CXorf38: variants seen among roughly 807,000 people sequenced by gnomAD.
CXorf38 encodes chromosome X open reading frame 38, also known as uncharacterized protein CXorf38.
CXorf38 carries 13 observed loss-of-function variants against 27.5 expected under a neutral mutation model. The ratio of observed to expected loss-of-function variants is 0.47; its 90% CI spans 0.31 to 0.75. The LOEUF is 0.75. Ranked by LOEUF, CXorf38 falls within the 30% of genes least tolerant of loss-of-function variation. CXorf38 has a pLI of 0.05. For synonymous variants in CXorf38, 100 were observed against 99.8 expected (o/e 1.00, Z -0.01); for missense variants, 240 against 253.2 (o/e 0.95, Z 0.35).
At chrX:40,638,549 T>C (rs1394749576) in intron 3 of CXorf38, among the ~76,000 whole-genome samples, 1 of 112,424 alleles carries the variant, frequency 8.9e-6, no homozygotes, top group Non-Finnish European at 1.9e-5. Flanking sequence ...TTCCATACCA[T>C]TTGGCCTTGC....
intron 5 of CXorf38, among the ~76,000 whole-genome samples, chrX:40,632,830 C>A (rs111227119): frequency 1.1e-3 from 126 of 111,773 alleles, no homozygotes; most frequent in Non-Finnish European, 1.0e-3. Context: ...AACAACACCA[C>A]CTAGGATTCT....
chrX:40,636,491 G>C (rs1569270377), intron 5 of CXorf38, 42 bp downstream of exon 5: 2 of 901,255 alleles, frequency 2.2e-6, no homozygotes, highest in African/African-American at 4.0e-5. Flanking sequence ...ATCTTTCTTT[G>C]TGTTGTTAAC....
At chrX:40,631,317 TG>T (rs1326909732) in intron 5 of CXorf38, among the ~76,000 whole-genome samples, 2 of 107,498 alleles carry the variant, frequency 1.9e-5, no homozygotes, top group African/African-American at 6.8e-5. Flanking sequence ...GTATATTTTT[TG>T]TTTTTTTGAG....
Position 40,637,127 on chromosome X carries a change from G to C in CXorf38, c.501C>G (p.His167Gln). Residue 167 changes from histidine (H) to glutamine (Q), a missense_variant, in exon 4 of 7, where the codon CAC (histidine) becomes CAG (glutamine). Coordinates refer to ENST00000327877, the MANE Select transcript of CXorf38 (RefSeq NM_144970.3). Reference protein sequence around the residue: ...EVIKCRNEIMHSSEMKVSSTW... With the variant: ...EVIKCRNEIMQSSEMKVSSTW... ...TAGAAGATACTTTCATCTCTGAAGAGTGCATGATCTCATTACGACATTTAA... is the reference window on the plus strand; with the variant it reads ...TAGAAGATACTTTCATCTCTGAAGACTGCATGATCTCATTACGACATTTAA... The C allele has an allele frequency of 8.4e-7, 1 of 1,187,794 alleles. No individual in the cohort carries two copies. Among genetic ancestry groups the C allele is most frequent in the Non-Finnish European group, 1.1e-6 (1 of 883,713 alleles).
In CXorf38 at chrX:40,630,684, G is replaced by T. The variant is rs757769666; in HGVS notation, c.891C>A (p.Asp297Glu). 1.8e-5 allele frequency: 22 copies of T among 1,208,969 alleles called. No homozygotes were observed. Among genetic ancestry groups the T allele is most frequent in the Non-Finnish European group, 2.5e-5 (22 of 893,086 alleles). ...CCAGTTTTTGATGTAGACAGAGGCT[G>T]TCTAGCTTCTGCATATCTTCTGTAA... ...NGLTEDMQKL[D>E]SLCLHQKLDS... is the part of the protein sequence containing the mutation. Residue 297 changes from aspartate to glutamate, a missense_variant, in exon 6 of 7, where the codon GAC (aspartate) becomes GAA (glutamate). Transcript: ENST00000327877.
intron 4 of CXorf38, 26 bp downstream of exon 4, chrX:40,636,981 C>A: frequency 8.8e-7 from 1 of 1,137,938 alleles, no homozygotes; most frequent in Non-Finnish European, 1.2e-6. Flanking sequence ...ATTCTGTATG[C>A]CAGAACTATT....
chrX:40,642,470 A>T (rs747148011), intron 2 of CXorf38, among the ~76,000 whole-genome samples: 127 of 111,552 alleles, frequency 1.1e-3, no homozygotes, highest in Non-Finnish European at 1.9e-3. Flanking sequence ...GTCCTGAGGA[A>T]GGCCAAAAGA....
intron 5 of CXorf38, among the ~76,000 whole-genome samples, chrX:40,631,376 C>T (rs1010524232): frequency 3.7e-5 from 4 of 107,097 alleles, no homozygotes; most frequent in East Asian, 3.0e-4. Context: ...GGTGTGATCT[C>T]GGCTCACTGC....
At chrX:40,640,469 G>T (rs1928270544) in intron 2 of CXorf38, 3 of 180,448 alleles carry the variant, frequency 1.7e-5, no homozygotes, top group Non-Finnish European at 3.1e-5. Context: ...AAAGGCTGGG[G>T]TAAGTGCTCA....
At chrX:40,631,220 C>T (rs62586849) in intron 5 of CXorf38, among the ~76,000 whole-genome samples, 10 of 36,373 alleles carry the variant, frequency 2.7e-4, no homozygotes, top group Admixed American at 4.7e-4. Context: ...TATATATATA[C>T]ATGTGTATAT....
At position 40,629,895 on chromosome X, in the gene CXorf38, A is replaced by G. The variant is rs748301000; in HGVS notation, c.*269T>C. Reference sequence around the variant, plus strand: ...GGCCTCCCAAAGTGCTGGGGATTACAGGTGTGAGCCATCACACCTGGCCTG... The same window carrying G: ...GGCCTCCCAAAGTGCTGGGGATTACGGGTGTGAGCCATCACACCTGGCCTG... On this transcript the variant is annotated 3_prime_UTR_variant, in exon 7 of 7. Transcript: ENST00000327877. 19 of 112,018 alleles carry G rather than the reference A, an allele frequency of 1.7e-4. No homozygotes were observed. The highest frequency in any genetic ancestry group is 5.8e-4 in the African/African-American group (18 of 30,851). The allele number at this position is 112,018 out of a possible 1,213,427, so 9.2% of individuals were successfully genotyped here.
chrX:40,644,294 CAAGAG>C (rs1423059687), intron 2 of CXorf38, among the ~76,000 whole-genome samples: 2 of 111,831 alleles, frequency 1.8e-5, no homozygotes, highest in Non-Finnish European at 3.8e-5. Context: ...AGGCCTTGAG[CAAGAG>C]AAAAGGGATA....
At chrX:40,636,866 G>A (rs1214988728) in intron 4 of CXorf38, 141 bp downstream of exon 4, 2 of 793,500 alleles carry the variant, frequency 2.5e-6, no homozygotes, top group African/African-American at 4.2e-5. Flanking sequence ...CATAATTACA[G>A]ATTTCATATT....
At position 40,647,038 on chromosome X, in the gene CXorf38, C is replaced by T; in HGVS notation, c.320G>A (p.Arg107His). Residue 107 changes from arginine to histidine, a missense_variant, in exon 2 of 7, where the codon CGC (arginine) becomes CAC (histidine). By Grantham distance (29) the Arg-to-His change is conservative. Coordinates refer to ENST00000327877, the MANE Select transcript of CXorf38 (RefSeq NM_144970.3). ...CACCTCCCAGGCGTCCACGGGCCAGCGGCCCGGCCGGCAGTTTCCCCAGTG... is the reference window on the plus strand; with the variant it reads ...CACCTCCCAGGCGTCCACGGGCCAGTGGCCCGGCCGGCAGTTTCCCCAGTG... ...DVHWGNCRPGRWPVDAWEVAK... is the reference protein window; with the variant it reads ...DVHWGNCRPGHWPVDAWEVAK... 1.7e-6 allele frequency: 2 copies of T among 1,211,401 alleles called. No homozygotes were observed. The highest frequency in any genetic ancestry group is 3.5e-5 in the South Asian group (2 of 56,950).
chrX:40,645,791 A>AT (rs1021410013), intron 2 of CXorf38, among the ~76,000 whole-genome samples: 25 of 110,525 alleles, frequency 2.3e-4, no homozygotes, highest in African/African-American at 6.6e-4. Flanking sequence ...TAATTTTTGT[A>AT]TTTTTTTGTA....
chrX:40,638,406 G>A (rs1928166764), intron 3 of CXorf38, among the ~76,000 whole-genome samples: 1 of 111,781 alleles, frequency 8.9e-6, no homozygotes, highest in South Asian at 3.7e-4. Flanking sequence ...TCTTTCCAAT[G>A]ACCTTCAGGG....
At chrX:40,640,321 C>G (rs762525876) in intron 2 of CXorf38, 1 of 250,370 alleles carries the variant, frequency 4.0e-6, no homozygotes, top group Non-Finnish European at 7.5e-6. Context: ...GATCAAGACC[C>G]TGTTTCAAAA....
chrX:40,629,896 G>A lies in CXorf38; in HGVS notation c.*268C>T, dbSNP rs1425728461. ...GCCTCCCAAAGTGCTGGGGATTACA[G>A]GTGTGAGCCATCACACCTGGCCTGG... On this transcript the variant is annotated 3_prime_UTR_variant, in exon 7 of 7. Coordinates refer to ENST00000327877, the MANE Select transcript of CXorf38 (RefSeq NM_144970.3). 3 of 111,896 alleles carry A rather than the reference G, an allele frequency of 2.7e-5. No individual in the cohort carries two copies. Among genetic ancestry groups the A allele is most frequent in the African/African-American group, 9.8e-5 (3 of 30,754 alleles). The allele number at this position is 111,896 out of a possible 1,213,427, so 9.2% of individuals were successfully genotyped here.
chrX:40,631,010 G>C (rs1490694331), intron 5 of CXorf38, among the ~76,000 whole-genome samples: 1 of 110,463 alleles, frequency 9.1e-6, no homozygotes, highest in African/African-American at 3.3e-5. Flanking sequence ...ACTGGTTCTG[G>C]GGGTACACAA....
Sources: gnomAD v4.1 joint callset for allele counts (sites outside exome capture counted in the v4.1 genomes callset) on GRCh38, gnomAD v4.1.1 for gene constraint, MANE v1.5 for transcripts, NCBI Gene and HGNC (gene_info 2026-07-23, HGNC 2026-07-21) for gene names.